The following TMTC2 variants were observed in gnomAD, a reference collection of about 807,000 sequenced individuals.
The protein encoded by TMTC2 is protein O-mannosyl-transferase TMTC2.
Under a neutral mutation model 82.4 loss-of-function variants are expected in TMTC2, and 43 were observed. That is an observed-to-expected ratio of 0.52 (90% confidence interval 0.41 to 0.67). TMTC2 has a LOEUF of 0.67. Among genes scored for constraint, TMTC2 ranks in the 30% least tolerant of loss-of-function variants. The probability of loss-of-function intolerance (pLI) is 0.00; values close to 1 mark genes in which losing one functional copy is unlikely to be tolerated. For missense variants in TMTC2, 919 were observed against 1,012.4 expected (o/e 0.91, Z 1.25); for synonymous variants, 408 against 381.9 (o/e 1.07, Z -0.80).
intron 1 of TMTC2, among the ~76,000 whole-genome samples, chr12:82,719,024 T>C (rs540885766): frequency 1.4e-5 from 2 of 145,184 alleles, no homozygotes; most frequent in Non-Finnish European, 3.0e-5. Flanking sequence ...TGCTAGTATA[T>C]AGAGCTTAAT....
At chr12:82,741,973 C>A (rs1385843868) in intron 1 of TMTC2, among the ~76,000 whole-genome samples, 3 of 152,244 alleles carry the variant, frequency 2.0e-5, no homozygotes, top group African/African-American at 7.2e-5. Context: ...CTGGACACAT[C>A]TCTTGTTTGC....
chr12:82,734,359 T>C (rs959108321), intron 1 of TMTC2, among the ~76,000 whole-genome samples: 1 of 152,164 alleles, frequency 6.6e-6, no homozygotes, highest in Non-Finnish European at 1.5e-5. Context: ...ATCCAGTTCC[T>C]TGTGATTGTA....
intron 1 of TMTC2, among the ~76,000 whole-genome samples, chr12:82,712,758 T>C (rs760381898): frequency 1.3e-5 from 2 of 152,122 alleles, no homozygotes; most frequent in Non-Finnish European, 2.9e-5. Context: ...TGATGGGCTA[T>C]TGATGGTAAA....
rs1038828079 is a variant in TMTC2 at position 82,792,497 on chromosome 12, C to T, written c.84-64513C>T. On this transcript the variant is annotated intron_variant, in intron 1 of 11. Coordinates refer to ENST00000321196, the MANE Select transcript of TMTC2 (RefSeq NM_152588.3). ...TTGTTTGTTTAAATTGACAGAGTCT[C>T]GCTCTGTCGCCCAGGATGGAGTGCA... Among the ~76,000 whole-genome samples the T allele has an allele frequency of 3.9e-5, 6 of 151,964 alleles. No individual in the cohort carries two copies. The East Asian group carries it at 5.8e-4, about 15-fold the overall frequency.
At chr12:82,731,386 A>G (rs1161992915) in intron 1 of TMTC2, among the ~76,000 whole-genome samples, 1 of 152,228 alleles carries the variant, frequency 6.6e-6, no homozygotes, top group Non-Finnish European at 1.5e-5. Flanking sequence ...TCTTTTAAAG[A>G]AAGAAAATTA....
At chr12:83,026,955 A>G (rs1881209745) in intron 8 of TMTC2, among the ~76,000 whole-genome samples, 1 of 151,962 alleles carries the variant, frequency 6.6e-6, no homozygotes, top group Non-Finnish European at 1.5e-5. Flanking sequence ...TTTACTGAAT[A>G]TTTCTCTTAC....
At chr12:83,098,758 G>C (rs10862582) in intron 11 of TMTC2, among the ~76,000 whole-genome samples, 20,899 of 151,994 alleles carry the variant, frequency 0.14, 1,609 homozygotes, top group East Asian at 0.26. Context: ...ACATCCTGAC[G>C]TCCCAGCATC....
chr12:82,930,454 C>G lies in TMTC2; in HGVS notation c.1507C>G (p.Leu503Val), dbSNP rs199635438. ...AKAWGNLGNVLKSQSKISEAE... is the reference protein window; with the variant it reads ...AKAWGNLGNVVKSQSKISEAE... ...AGCATGGGGTAACCTTGGAAATGTT[C>G]TGAAGAGTCAGAGCAAAATTTCTGA... Residue 503 changes from leucine (L) to valine (V), a missense_variant, in exon 4 of 12, where the codon CTG becomes GTG. Coordinates refer to ENST00000321196, the MANE Select transcript of TMTC2 (RefSeq NM_152588.3). 6.2e-7 allele frequency: 1 copy of G among 1,601,378 alleles called. No homozygotes were observed.
At chr12:83,124,183 A>T (rs1885038775) in intron 11 of TMTC2, among the ~76,000 whole-genome samples, 1 of 152,352 alleles carries the variant, frequency 6.6e-6, no homozygotes, top group African/African-American at 2.4e-5. Flanking sequence ...CATACAGACT[A>T]AAAATATATA....
At chr12:82,833,518 A>G (rs1394432803) in intron 1 of TMTC2, among the ~76,000 whole-genome samples, 1 of 152,190 alleles carries the variant, frequency 6.6e-6, no homozygotes, top group Non-Finnish European at 1.5e-5. Context: ...AAACATATCT[A>G]TTTCTTTTTC....
At chr12:82,926,691 G>T (rs183036120) in intron 3 of TMTC2, among the ~76,000 whole-genome samples, 19 of 152,290 alleles carry the variant, frequency 1.2e-4, no homozygotes, top group African/African-American at 4.1e-4. Flanking sequence ...AGGACAGGCT[G>T]ACTGTTATTT....
rs1020725714 is a variant in TMTC2 at position 82,693,004 on chromosome 12, A to G, written c.83+5335A>G. 5.3e-5 allele frequency among the ~76,000 whole-genome samples: 8 copies of G among 152,348 alleles called. No individual in the cohort carries two copies. In the South Asian group the frequency reaches 1.7e-3, roughly 32 times the overall value. On this transcript the variant is annotated intron_variant, in intron 1 of 11. Transcript: ENST00000321196. ...ATTCAATAATTCACAAATTATGAAT[A>G]TTACTACATATGAGCTTCTTTGTAT... is the stretch of plus-strand genomic sequence containing the variant.
intron 1 of TMTC2, among the ~76,000 whole-genome samples, chr12:82,692,720 G>A (rs964993557): frequency 1.3e-5 from 2 of 152,196 alleles, no homozygotes; most frequent in Non-Finnish European, 2.9e-5. Context: ...CTTCACAAAA[G>A]TGACAAGTGT....
At chr12:82,913,233 A>T (rs1429539832) in intron 3 of TMTC2, among the ~76,000 whole-genome samples, 1 of 152,086 alleles carries the variant, frequency 6.6e-6, no homozygotes, top group East Asian at 1.9e-4. Flanking sequence ...AGGGCAGTTG[A>T]TGAAGTCACT....
intron 10 of TMTC2, among the ~76,000 whole-genome samples, chr12:83,054,494 G>T (rs1882463871): frequency 6.6e-6 from 1 of 151,524 alleles, no homozygotes; most frequent in Non-Finnish European, 1.5e-5. Flanking sequence ...GATAGATTGG[G>T]AACTCACATG....
At chr12:82,727,148 T>G (rs971335659) in intron 1 of TMTC2, among the ~76,000 whole-genome samples, 3 of 152,098 alleles carry the variant, frequency 2.0e-5, no homozygotes, top group Non-Finnish European at 4.4e-5. Flanking sequence ...TTTATTTTCT[T>G]TCTCCCATTA....
At chr12:83,092,032 A>C (rs1883863974) in intron 11 of TMTC2, among the ~76,000 whole-genome samples, 2 of 152,208 alleles carry the variant, frequency 1.3e-5, no homozygotes, top group African/African-American at 4.8e-5. Flanking sequence ...TGAGAGAGTA[A>C]GTACCAATGT....
At chr12:82,762,915 A>C (rs2136982810) in intron 1 of TMTC2, among the ~76,000 whole-genome samples, 1 of 152,254 alleles carries the variant, frequency 6.6e-6, no homozygotes, top group East Asian at 1.9e-4. Flanking sequence ...TCAAAAGCAT[A>C]AAACTATGTG....
chr12:83,079,070 T>A (rs923038895), intron 11 of TMTC2, among the ~76,000 whole-genome samples: 1 of 152,176 alleles, frequency 6.6e-6, no homozygotes, highest in African/African-American at 2.4e-5. Context: ...CTACAAAAAA[T>A]TAATTGCTTA....
Sources: allele counts gnomAD v4.1 joint callset (sites outside exome capture counted in the v4.1 genomes callset), GRCh38; gene constraint gnomAD v4.1.1; transcripts MANE v1.5; gene names NCBI Gene and HGNC (gene_info 2026-07-23, HGNC 2026-07-21).